Variants in ZFHX3 observed in about 807,000 individuals in gnomAD.
The protein encoded by ZFHX3 is zinc finger homeobox protein 3.
A neutral mutation model predicts 279.1 loss-of-function variants in ZFHX3; 42 were observed. That is an observed-to-expected ratio of 0.15 (90% CI 0.12 to 0.19). The LOEUF (loss-of-function observed/expected upper bound fraction) is 0.19, where lower values mean the gene tolerates loss of function less well. Ranked by LOEUF, ZFHX3 falls within the 10% of genes least tolerant of loss-of-function variation. ZFHX3 has a pLI of 1.00. For synonymous variants in ZFHX3, 2,293 were observed against 1,957.8 expected (o/e 1.17, Z -4.52); for missense variants, 4,981 against 4,754.0 (o/e 1.05, Z -1.40).
chr16:73,466,927 C>T (rs1192448027), intron 2 of ZFHX3, among the ~76,000 whole-genome samples: 3 of 151,982 alleles, frequency 2.0e-5, no homozygotes, highest in Non-Finnish European at 4.4e-5. Context: ...CAGAGCAAAG[C>T]ATGAGCTTTG....
At chr16:73,042,165 T>C (rs1965142240) in intron 1 of ZFHX3, among the ~76,000 whole-genome samples, 2 of 152,180 alleles carry the variant, frequency 1.3e-5, no homozygotes, top group African/African-American at 4.8e-5. Flanking sequence ...CAGACTTCCA[T>C]ATTTGAACAG....
chr16:73,206,059 G>A (rs2011788993), intron 5 of ZFHX3, among the ~76,000 whole-genome samples: 1 of 152,156 alleles, frequency 6.6e-6, no homozygotes, highest in Admixed American at 6.5e-5. Context: ...ATTCTGCCGT[G>A]CTTATGTAAA....
intron 2 of ZFHX3, among the ~76,000 whole-genome samples, chr16:73,470,302 G>A (rs745514358): frequency 6.6e-5 from 10 of 152,034 alleles, no homozygotes; most frequent in Non-Finnish European, 1.3e-4. Flanking sequence ...AGCCCGTCCC[G>A]GACAGAAACC....
At chr16:73,535,889 AT>A (rs1025802829) in intron 2 of ZFHX3, among the ~76,000 whole-genome samples, 4 of 151,446 alleles carry the variant, frequency 2.6e-5, no homozygotes, top group Non-Finnish European at 4.4e-5. Context: ...TGCCCGGCTA[AT>A]TTTTTTTACT....
At chr16:72,854,938 T>TGGGGGGGG (rs373623618) in intron 4 of ZFHX3, among the ~76,000 whole-genome samples, 6 of 73,864 alleles carry the variant, frequency 8.1e-5, no homozygotes, top group African/African-American at 1.1e-4. Flanking sequence ...AATTGGTGGG[T>TGGGGGGGG]GGGGGGGGGG....
chr16:73,697,972 C>G (rs2053212862), intron 1 of ZFHX3, among the ~76,000 whole-genome samples: 1 of 152,050 alleles, frequency 6.6e-6, no homozygotes, highest in Non-Finnish European at 1.5e-5. Flanking sequence ...GGAACCAGGG[C>G]TCCTTAAATC....
intron 1 of ZFHX3, among the ~76,000 whole-genome samples, chr16:72,984,402 G>A (rs1962754288): frequency 1.3e-5 from 2 of 152,092 alleles, no homozygotes; most frequent in African/African-American, 4.8e-5. Flanking sequence ...TGAGGTGGGA[G>A]GATCACTTGA....
At chr16:73,754,878 T>G (rs1221971286) in intron 1 of ZFHX3, among the ~76,000 whole-genome samples, 1 of 152,208 alleles carries the variant, frequency 6.6e-6, no homozygotes, top group Non-Finnish European at 1.5e-5. Context: ...TTTCACCGAT[T>G]TCTCAGAACC....
At chr16:73,385,128 A>C (rs1036425646) in intron 3 of ZFHX3, among the ~76,000 whole-genome samples, 2 of 152,172 alleles carry the variant, frequency 1.3e-5, no homozygotes, top group Non-Finnish European at 2.9e-5. Context: ...CACAAAGGAG[A>C]AGAAACTTGG....
At chr16:73,638,834 G>C (rs1216112752) in intron 2 of ZFHX3, among the ~76,000 whole-genome samples, 1 of 152,140 alleles carries the variant, frequency 6.6e-6, no homozygotes, top group East Asian at 1.9e-4. Context: ...CTGCTAAAAT[G>C]TGTTTTTTAA....
intron 3 of ZFHX3, among the ~76,000 whole-genome samples, chr16:73,445,282 G>GTA (rs55817826): frequency 0.056 from 8,419 of 151,098 alleles, 330 homozygotes; most frequent in Non-Finnish European, 0.086. Flanking sequence ...ATATATGTGT[G>GTA]TATATATATA....
At chr16:73,707,260 T>C (rs1215751113) in intron 1 of ZFHX3, among the ~76,000 whole-genome samples, 1 of 152,172 alleles carries the variant, frequency 6.6e-6, no homozygotes, top group East Asian at 1.9e-4. Context: ...AAAACATGTC[T>C]ACCCATAGTC....
chr16:73,119,505 T>C (rs1366853557), intron 7 of ZFHX3, among the ~76,000 whole-genome samples: 1 of 152,108 alleles, frequency 6.6e-6, no homozygotes, highest in Non-Finnish European at 1.5e-5. Context: ...TTGTGGCTGA[T>C]GGGGTAGAGA....
At position 73,740,167 on chromosome 16, in the gene ZFHX3, T is replaced by C. The variant is rs148788927; in HGVS notation, c.-1607-59927A>G. ...TTTCAAATGCAAATAACTTTGGTAA[T>C]GTAATATTGTGGCTGAGACTTTAAA... is the stretch of plus-strand genomic sequence containing the variant. On this transcript the variant is annotated intron_variant, in intron 1 of 17. Coordinates refer to the ZFHX3 transcript ENST00000641206. Among the ~76,000 whole-genome samples the C allele has an allele frequency of 4.4e-3, 674 of 152,248 alleles. 4 individuals are homozygous for C. The highest frequency in any genetic ancestry group is 0.016 in the African/African-American group (648 of 41,556).
chr16:73,453,039 CCCACCCA>C, intron 3 of ZFHX3, among the ~76,000 whole-genome samples: 1 of 134,680 alleles, frequency 7.4e-6, no homozygotes, highest in Non-Finnish European at 1.6e-5. Context: ...TACAAACCCA[CCCACCCA>C]CCCATCCATC....
rs527998893 is a variant in ZFHX3, at chr16:72,812,632, T to C, written c.3530-594A>G. On this transcript the variant is annotated intron_variant, in intron 5 of 9. Coordinates refer to ENST00000268489, the MANE Select transcript of ZFHX3 (RefSeq NM_006885.4). ...CAGTTTGCTTTTGGGGAAGAAATAA[T>C]TGAGGAGTGGAACTAGGCAGGGCCT... Among the ~76,000 whole-genome samples the C allele has an allele frequency of 3.9e-5, 6 of 152,262 alleles. No individual in the cohort carries two copies. The East Asian group carries it at 7.7e-4, about 20-fold the overall frequency.
At chr16:72,845,263 C>G (rs2037449486) in intron 4 of ZFHX3, among the ~76,000 whole-genome samples, 1 of 152,130 alleles carries the variant, frequency 6.6e-6, no homozygotes, top group Admixed American at 6.5e-5. Flanking sequence ...ACACTGGAAC[C>G]CCCTCCCCCT....
intron 3 of ZFHX3, among the ~76,000 whole-genome samples, chr16:73,443,509 A>G (rs1261372938): frequency 1.3e-5 from 2 of 151,936 alleles, no homozygotes; most frequent in Non-Finnish European, 2.9e-5. Flanking sequence ...CACGGTGATC[A>G]TTTATCACTT....
At chr16:73,866,910 G>A (rs1037342097) in intron 1 of ZFHX3, among the ~76,000 whole-genome samples, 1 of 152,194 alleles carries the variant, frequency 6.6e-6, no homozygotes, top group African/African-American at 2.4e-5. Context: ...CCCTCCAAGG[G>A]CTGGAGAAGT....
Sources: gnomAD v4.1 joint callset for allele counts (sites outside exome capture counted in the v4.1 genomes callset) on GRCh38, gnomAD v4.1.1 for gene constraint, MANE v1.5 for transcripts, NCBI Gene and HGNC (gene_info 2026-07-23, HGNC 2026-07-21) for gene names.